Variants in VPS35L observed in about 807,000 individuals in gnomAD.
VPS35L encodes the protein VPS35 endosomal protein sorting factor like.
Under a neutral mutation model 133.0 loss-of-function variants are expected in VPS35L, and 83 were observed. The observed-to-expected ratio is 0.62, with a 90% confidence interval of 0.52 to 0.75. The LOEUF (loss-of-function observed/expected upper bound fraction) is 0.75, where lower values mean the gene tolerates loss of function less well. Among genes scored for constraint, VPS35L ranks in the 30% least tolerant of loss-of-function variants. The pLI is 0.00. For synonymous variants in VPS35L, 423 were observed against 449.9 expected, an observed-to-expected ratio of 0.94 and a Z score of 0.76; for missense variants, 1,083 against 1,206.8, an observed-to-expected ratio of 0.90 and a Z score of 1.52.
chr16:19,562,086 T>TA (rs1971047883), intron 1 of VPS35L, among the ~76,000 whole-genome samples: 1 of 152,014 alleles, frequency 6.6e-6, no homozygotes, highest in Non-Finnish European at 1.5e-5. Context: ...GTGAGACTCT[T>TA]ATGTCAAACA....
chr16:19,696,864 G>C (rs1975930692), intron 29 of VPS35L, among the ~76,000 whole-genome samples: 1 of 152,198 alleles, frequency 6.6e-6, no homozygotes, highest in African/African-American at 2.4e-5. Context: ...TAGTCAAAGG[G>C]CCTCTCTCCA....
At chr16:19,677,460 T>C (rs982869470) in intron 27 of VPS35L, among the ~76,000 whole-genome samples, 3 of 152,140 alleles carry the variant, frequency 2.0e-5, no homozygotes, top group African/African-American at 7.2e-5. Context: ...TCAGGAGAGT[T>C]CCCGAAGAAA....
chr16:19,628,458 G>C (rs570341480), intron 16 of VPS35L, among the ~76,000 whole-genome samples, 179 bp from the exon 17 acceptor site: 1 of 152,346 alleles, frequency 6.6e-6, no homozygotes, highest in South Asian at 2.1e-4. Context: ...AGCTAACTCT[G>C]TGTGAGCCTC....
chr16:19,584,465 G>C (rs1001266759), intron 7 of VPS35L, among the ~76,000 whole-genome samples: 1 of 151,210 alleles, frequency 6.6e-6, no homozygotes, highest in Non-Finnish European at 1.5e-5. Flanking sequence ...CATCTCTACT[G>C]AAAATACAAA....
chr16:19,611,921 T>C (rs1972734784), intron 12 of VPS35L: 1 of 152,036 alleles, frequency 6.6e-6, no homozygotes, highest in Non-Finnish European at 1.5e-5. Context: ...GATGCAAAGA[T>C]ATTGTTTGCA....
At chr16:19,624,664 T>C (rs939752733) in intron 14 of VPS35L, among the ~76,000 whole-genome samples, 1 of 152,146 alleles carries the variant, frequency 6.6e-6, no homozygotes, top group Non-Finnish European at 1.5e-5. Flanking sequence ...CAGACTGGTC[T>C]TGAATTCCTG....
At chr16:19,680,947 T>A (rs1307382149) in intron 27 of VPS35L, among the ~76,000 whole-genome samples, 1 of 137,926 alleles carries the variant, frequency 7.3e-6, no homozygotes. Context: ...TGATTTGTGA[T>A]GAAGAGAGAG....
rs1172276788 is a variant in VPS35L, at chr16:19,700,807, TTTG to T, written c.*334_*336del. On this transcript the variant is annotated 3_prime_UTR_variant, in exon 31 of 31. Transcript: ENST00000417362. ...TAACATCTTTCTTCTCTGGAAGGTG[TTTG>T]TTTTTTCATAGTTTAGAAATAAGGA... is the stretch of plus-strand genomic sequence containing the variant. 1 of 263,896 alleles carries T rather than the reference TTTG, an allele frequency of 3.8e-6. No individual in the cohort carries two copies. The highest frequency in any genetic ancestry group is 2.2e-5 in the African/African-American group (1 of 45,806). The allele number at this position is 263,896 out of a possible 1,614,324, so 16.3% of individuals were successfully genotyped here.
At chr16:19,697,305 C>T (rs1975950078) in intron 29 of VPS35L, among the ~76,000 whole-genome samples, 1 of 152,168 alleles carries the variant, frequency 6.6e-6, no homozygotes, top group South Asian at 2.1e-4. Context: ...TTAATTACCA[C>T]TCAGCCACCT....
chr16:19,617,033 G>T (rs1200009940), intron 14 of VPS35L: 11 of 688,194 alleles, frequency 1.6e-5, no homozygotes, highest in Non-Finnish European at 2.8e-5. Flanking sequence ...TAGCTCCAGA[G>T]GCCATGTACC....
chr16:19,580,790 A>T (rs1472555632), intron 6 of VPS35L, among the ~76,000 whole-genome samples: 2 of 152,022 alleles, frequency 1.3e-5, no homozygotes, highest in African/African-American at 4.8e-5. Flanking sequence ...TGATCCCCCC[A>T]TCACAGTTTA....
At chr16:19,696,380 A>G (rs759951460) in intron 29 of VPS35L, among the ~76,000 whole-genome samples, 11 of 152,126 alleles carry the variant, frequency 7.2e-5, no homozygotes, top group Non-Finnish European at 1.3e-4. Flanking sequence ...TGCCGTTCTG[A>G]GAATCATATC....
At chr16:19,692,949 C>T (rs550614600) in intron 29 of VPS35L, among the ~76,000 whole-genome samples, 74 of 152,314 alleles carry the variant, frequency 4.9e-4, no homozygotes, top group Non-Finnish European at 9.8e-4. Context: ...GGGCACTGCC[C>T]GAAGGGCTGG....
At chr16:19,694,732 C>T (rs544545900) in intron 29 of VPS35L, among the ~76,000 whole-genome samples, 16 of 152,254 alleles carry the variant, frequency 1.1e-4, no homozygotes, top group South Asian at 2.1e-4. Context: ...TGGCCGGGCA[C>T]GGTTGGCTCA....
At chr16:19,629,115 T>C (rs1297015433) in intron 17 of VPS35L, among the ~76,000 whole-genome samples, 1 of 152,128 alleles carries the variant, frequency 6.6e-6, no homozygotes, top group Non-Finnish European at 1.5e-5. Context: ...TTGTCCAAGT[T>C]TTGGCATCTG....
chr16:19,630,526 G>C lies in VPS35L; in HGVS notation c.1554+706G>C, dbSNP rs532929039. The stretch of plus-strand genomic sequence containing the variant: ...TTTTTTTGTGTTTTTAGTAGAGACA[G>C]GGTTTCACCATGTTAGCCAGGATGG... On this transcript the variant is annotated intron_variant, in intron 18 of 30. Transcript: ENST00000417362. 7.9e-5 allele frequency among the ~76,000 whole-genome samples: 12 copies of C among 152,024 alleles called. No individual in the cohort carries two copies. The South Asian group carries it at 2.5e-3, about 32-fold the overall frequency.
At chr16:19,628,790 T>C in intron 17 of VPS35L, 37 bp downstream of exon 17, 1 of 863,780 alleles carries the variant, frequency 1.2e-6, no homozygotes, top group Non-Finnish European at 1.6e-6. Flanking sequence ...TATTTATTTA[T>C]TTATTTATTT....
intron 1 of VPS35L, among the ~76,000 whole-genome samples, chr16:19,557,371 T>G (rs1242800313): frequency 2.6e-5 from 4 of 152,178 alleles, no homozygotes; most frequent in Non-Finnish European, 5.9e-5. Flanking sequence ...TAGTTCCTAA[T>G]ATGGCCGTGC....
intron 14 of VPS35L, among the ~76,000 whole-genome samples, chr16:19,622,399 T>G (rs941328833): frequency 2.6e-5 from 4 of 151,834 alleles, no homozygotes. Flanking sequence ...CACCTGAGCC[T>G]CCAAAGTGCT....
Sources: gnomAD v4.1 joint callset for allele counts (sites outside exome capture counted in the v4.1 genomes callset) on GRCh38, gnomAD v4.1.1 for gene constraint, MANE v1.5 for transcripts, NCBI Gene and HGNC (gene_info 2026-07-23, HGNC 2026-07-21) for gene names.